ADCY5: variants seen among roughly 807,000 people sequenced by gnomAD.
ADCY5 encodes the protein adenylate cyclase 5, also known as adenylate cyclase type 5.
A neutral mutation model predicts 119.7 loss-of-function variants in ADCY5; 30 were observed. The observed-to-expected ratio is 0.25, with a 90% CI of 0.19 to 0.34. The LOEUF is 0.34. Ranked by LOEUF, ADCY5 falls within the 10% of genes least tolerant of loss-of-function variation. The probability of loss-of-function intolerance (pLI) is 1.00; values close to 1 mark genes in which losing one functional copy is unlikely to be tolerated. For synonymous variants in ADCY5, 753 were observed against 762.2 expected, an observed-to-expected ratio of 0.99 and a Z score of 0.20; for missense variants, 1,324 against 1,775.2, an observed-to-expected ratio of 0.75 and a Z score of 4.57.
chr3:123,320,418 G>T (rs905204063), intron 9 of ADCY5, among the ~76,000 whole-genome samples: 10 of 152,262 alleles, frequency 6.6e-5, no homozygotes, highest in Non-Finnish European at 1.2e-4. Context: ...TTGCCTCGGG[G>T]CACTGGATGC....
chr3:123,312,589 G>T (rs543963932), intron 12 of ADCY5, among the ~76,000 whole-genome samples: 2 of 152,266 alleles, frequency 1.3e-5, no homozygotes. Context: ...TCTCTGGTCT[G>T]CTTTCTGTGT....
At chr3:123,339,012 C>T (rs1344786470) in intron 3 of ADCY5, among the ~76,000 whole-genome samples, 1 of 152,178 alleles carries the variant, frequency 6.6e-6, no homozygotes, top group Non-Finnish European at 1.5e-5. Flanking sequence ...CCCCTGGCAT[C>T]GTCAGAGCTA....
At chr3:123,439,487 A>G (rs762845481) in intron 1 of ADCY5, among the ~76,000 whole-genome samples, 1 of 152,238 alleles carries the variant, frequency 6.6e-6, no homozygotes, top group Non-Finnish European at 1.5e-5. Context: ...TCTGAACAGT[A>G]TATCATCAAA....
At chr3:123,383,925 GCA>G (rs59123635) in intron 1 of ADCY5, among the ~76,000 whole-genome samples, 12 of 148,230 alleles carry the variant, frequency 8.1e-5, no homozygotes, top group East Asian at 4.1e-4. Context: ...CTCAAGGCAT[GCA>G]CACACACACA....
At position 123,304,168 on chromosome 3, in the gene ADCY5, G is replaced by T; in HGVS notation, c.2458C>A (p.Leu820Met). 19 of 1,609,454 alleles carry T rather than the reference G, an allele frequency of 1.2e-5. No homozygotes were observed. Among genetic ancestry groups the T allele is most frequent in the Non-Finnish European group, 1.6e-5 (19 of 1,176,368 alleles). ...YSCVKLFPSPLQTLSRKIVRS... is the reference protein window; with the variant it reads ...YSCVKLFPSPMQTLSRKIVRS... ...ACGATCTTCCTGGAGAGGGTCTGCA[G>T]TGGGGAGGGGAAGAGCTAGGGTGGG... The change falls in exon 13 of 21, where the codon CTG becomes ATG. Residue 820 changes from leucine (L) to methionine (M), a missense_variant. Coordinates refer to ENST00000462833, the MANE Select transcript of ADCY5 (RefSeq NM_183357.3).
chr3:123,383,935 AC>A (rs1944124565), intron 1 of ADCY5, among the ~76,000 whole-genome samples: 1 of 146,704 alleles, frequency 6.8e-6, no homozygotes, highest in Non-Finnish European at 1.5e-5. Context: ...GCACACACAC[AC>A]ACACACCCTT....
At position 123,319,766 on chromosome 3, in the gene ADCY5, G is replaced by A. The variant is rs1412031145; in HGVS notation, c.2164C>T (p.Arg722Cys). The change falls in exon 10 of 21, where the codon CGT (arginine) becomes TGT (cysteine). Residue 722 changes from arginine to cysteine, a missense_variant. Arg to Cys is a radical substitution (Grantham distance 180). Coordinates refer to ENST00000462833, the MANE Select transcript of ADCY5 (RefSeq NM_183357.3). ...PEDEVDEFLG[R>C]AIDARSIDRL... Reference sequence around the variant, plus strand: ...TCAATGCTCCTGGCGTCAATGGCACGGCCCAGAAACTCATCCACTTCATCC... The same window carrying A: ...TCAATGCTCCTGGCGTCAATGGCACAGCCCAGAAACTCATCCACTTCATCC... 4 of 1,614,222 alleles carry A rather than the reference G, an allele frequency of 2.5e-6. No individual in the cohort carries two copies. The highest frequency in any genetic ancestry group is 1.3e-5 in the African/African-American group (1 of 75,064).
intron 1 of ADCY5, among the ~76,000 whole-genome samples, chr3:123,411,552 TC>T (rs1945047722): frequency 6.6e-6 from 1 of 152,134 alleles, no homozygotes; most frequent in Admixed American, 6.5e-5. Context: ...TGGCCCAGGA[TC>T]CCAGTGCCTA....
At chr3:123,387,268 G>A (rs888458132) in intron 1 of ADCY5, among the ~76,000 whole-genome samples, 1 of 152,126 alleles carries the variant, frequency 6.6e-6, no homozygotes, top group African/African-American at 2.4e-5. Context: ...GAAATGCATC[G>A]ATGCTTTTTA....
intron 1 of ADCY5, among the ~76,000 whole-genome samples, chr3:123,441,255 CCCAGTGCGG>C (rs1193963336): frequency 3.9e-5 from 6 of 152,232 alleles, no homozygotes; most frequent in Admixed American, 3.3e-4. Context: ...GTTGTACCTT[CCCAGTGCGG>C]CCTGTGAATC....
intron 1 of ADCY5, among the ~76,000 whole-genome samples, chr3:123,421,435 C>T (rs1167646122): frequency 3.3e-5 from 5 of 152,206 alleles, no homozygotes; most frequent in African/African-American, 9.6e-5. Context: ...ATAATCACGT[C>T]ATACTGTTAG....
At chr3:123,292,375 A>T (rs1472525763) in intron 17 of ADCY5, among the ~76,000 whole-genome samples, 1 of 152,170 alleles carries the variant, frequency 6.6e-6, no homozygotes, top group Non-Finnish European at 1.5e-5. Flanking sequence ...CTCCCAGGGC[A>T]GAAGATCCAG....
At chr3:123,378,389 G>A (rs1451835555) in intron 1 of ADCY5, among the ~76,000 whole-genome samples, 4 of 151,780 alleles carry the variant, frequency 2.6e-5, no homozygotes, top group Non-Finnish European at 5.9e-5. Context: ...AAAAAAAAAA[G>A]AAAGAAAGAA....
rs113565321 is a variant in ADCY5 at position 123,394,822 on chromosome 3, A to G, written c.1135-42241T>C. On this transcript the variant is annotated intron_variant, in intron 1 of 20. Transcript: ENST00000462833. ...ATGATAATTAACTAATGCAATGGTG[A>G]CCTGAGTCACCCAGAAAAGGTCGCA... Among the ~76,000 whole-genome samples the G allele has an allele frequency of 4.2e-3, 644 of 152,302 alleles. 8 individuals carry two copies. The highest frequency in any genetic ancestry group is 0.015 in the African/African-American group (626 of 41,552).
Position 123,329,442 on chromosome 3 carries a change from G to C in ADCY5, c.1647-640C>G, listed in dbSNP as rs148098677. 1.4e-4 allele frequency among the ~76,000 whole-genome samples: 21 copies of C among 152,284 alleles called. No individual in the cohort carries two copies. In the East Asian group the frequency reaches 2.3e-3, roughly 17 times the overall value. Reference sequence around the variant, plus strand: ...CATATCTGGGAGCTCCCAGTAGACAGGGCAGGCCCTCCGTATGCACTTATA... The same window carrying C: ...CATATCTGGGAGCTCCCAGTAGACACGGCAGGCCCTCCGTATGCACTTATA... On this transcript the variant is annotated intron_variant, in intron 5 of 20. Transcript: ENST00000462833.
Position 123,293,115 on chromosome 3 carries a change from C to T in ADCY5, c.3064-1739G>A, listed in dbSNP as rs150336524. Reference sequence around the variant, plus strand: ...TGCGCCCTGGCAGGGCAGGAAGGTTCGGGGGGCTACAGCCTCTTGGTGGCC... The same window carrying T: ...TGCGCCCTGGCAGGGCAGGAAGGTTTGGGGGGCTACAGCCTCTTGGTGGCC... On this transcript the variant is annotated intron_variant, in intron 17 of 20. Transcript: ENST00000462833. Among the ~76,000 whole-genome samples, 388 of 152,316 alleles carry T rather than the reference C, an allele frequency of 2.5e-3. 1 individual carries two copies. Among genetic ancestry groups the T allele is most frequent in the African/African-American group, 8.8e-3 (364 of 41,578 alleles).
At chr3:123,319,591 G>A in intron 10 of ADCY5, 83 bp downstream of exon 10, 1 of 1,543,040 alleles carries the variant, frequency 6.5e-7, no homozygotes, top group Non-Finnish European at 8.8e-7. Flanking sequence ...CTGGGGGCAT[G>A]AGGGAGCCCT....
intron 1 of ADCY5, among the ~76,000 whole-genome samples, chr3:123,440,643 C>T (rs528132209): frequency 3.3e-5 from 5 of 152,166 alleles, no homozygotes; most frequent in South Asian, 4.1e-4. Context: ...TCCTCCACCC[C>T]CTGACTTCCT....
At chr3:123,368,005 C>A in intron 1 of ADCY5, 3 of 1,503,968 alleles carry the variant, frequency 2.0e-6, no homozygotes, top group Non-Finnish European at 2.6e-6. Context: ...ATGGAGGGGA[C>A]CATGGGCACC....
Sources: gnomAD v4.1 joint callset for allele counts (sites outside exome capture counted in the v4.1 genomes callset) on GRCh38, gnomAD v4.1.1 for gene constraint, MANE v1.5 for transcripts, NCBI Gene and HGNC (gene_info 2026-07-23, HGNC 2026-07-21) for gene names.